CLASP2: variants seen among roughly 807,000 people sequenced by gnomAD.
The protein encoded by CLASP2 is CLIP-associating protein 2.
A neutral mutation model predicts 194.4 loss-of-function variants in CLASP2; 47 were observed. The ratio of observed to expected loss-of-function variants is 0.24; its 90% confidence interval spans 0.19 to 0.31. CLASP2 has a LOEUF of 0.31. CLASP2 is among the 10% of genes least tolerant of loss of function. CLASP2 has a pLI of 1.00. For missense variants in CLASP2, 1,445 were observed against 1,823.6 expected (o/e 0.79, Z 3.78); for synonymous variants, 619 against 633.5 (o/e 0.98, Z 0.34).
At chr3:33,549,998 T>C (rs2059746624) in intron 30 of CLASP2, among the ~76,000 whole-genome samples, 1 of 152,142 alleles carries the variant, frequency 6.6e-6, no homozygotes, top group Non-Finnish European at 1.5e-5. Flanking sequence ...CAGCCTACCA[T>C]GTTGAGATTA....
intron 1 of CLASP2, among the ~76,000 whole-genome samples, chr3:33,704,742 GAC>G (rs1394486818): frequency 6.6e-6 from 1 of 151,638 alleles, no homozygotes; most frequent in Non-Finnish European, 1.5e-5. Context: ...GACAGATGGA[GAC>G]GCAGTCTAAA....
intron 22 of CLASP2, among the ~76,000 whole-genome samples, chr3:33,583,243 C>A (rs1476912403): frequency 6.6e-6 from 1 of 152,088 alleles, no homozygotes; most frequent in Non-Finnish European, 1.5e-5. Flanking sequence ...GGAAAGCAAT[C>A]CTAAAGGATA....
chr3:33,593,047 T>C (rs2069205410), intron 20 of CLASP2, among the ~76,000 whole-genome samples: 1 of 152,210 alleles, frequency 6.6e-6, no homozygotes, highest in Admixed American at 6.5e-5. Context: ...AACTATTTCA[T>C]TTAGAAAGTG....
intron 7 of CLASP2, among the ~76,000 whole-genome samples, chr3:33,649,359 A>C (rs1303521710): frequency 6.6e-6 from 1 of 152,170 alleles, no homozygotes; most frequent in East Asian, 1.9e-4. Context: ...GAAATATATG[A>C]GCTGTGGGAT....
chr3:33,687,480 T>C (rs2090826870), intron 4 of CLASP2, among the ~76,000 whole-genome samples: 1 of 152,244 alleles, frequency 6.6e-6, no homozygotes, highest in African/African-American at 2.4e-5. Flanking sequence ...ATTGTGATTT[T>C]TTTAGACTCT....
chr3:33,638,097 T>C (rs1485005098), intron 8 of CLASP2, among the ~76,000 whole-genome samples: 1 of 152,170 alleles, frequency 6.6e-6, no homozygotes, highest in African/African-American at 2.4e-5. Context: ...GAAGTTTTTA[T>C]CAGTATGTTT....
intron 29 of CLASP2, 32 bp from the exon 30 acceptor site, chr3:33,551,427 A>C: frequency 6.2e-7 from 1 of 1,600,504 alleles, no homozygotes; most frequent in South Asian, 1.1e-5. Context: ...GAAAGGACAG[A>C]AAGATGGTTA....
intron 30 of CLASP2, among the ~76,000 whole-genome samples, chr3:33,547,383 G>A (rs1351759123): frequency 1.3e-5 from 2 of 152,156 alleles, no homozygotes; most frequent in Admixed American, 6.5e-5. Flanking sequence ...TGATTGTGAG[G>A]CTTCCTGAGC....
intron 6 of CLASP2, among the ~76,000 whole-genome samples, chr3:33,672,735 A>G (rs2087597637): frequency 6.6e-6 from 1 of 152,228 alleles, no homozygotes; most frequent in Admixed American, 6.5e-5. Flanking sequence ...ACCAATACAG[A>G]GAAGTGCTTA....
intron 1 of CLASP2, among the ~76,000 whole-genome samples, chr3:33,697,426 A>C (rs1017241751): frequency 6.6e-6 from 1 of 152,230 alleles, no homozygotes; most frequent in Admixed American, 6.5e-5. Flanking sequence ...CTGATAATAC[A>C]ATGGTATTTG....
chr3:33,592,647 A>T, intron 20 of CLASP2, 151 bp from the exon 21 acceptor site: 1 of 710,414 alleles, frequency 1.4e-6, no homozygotes, highest in East Asian at 2.7e-5. Flanking sequence ...AAAATTTTAT[A>T]AACAGTAATT....
rs531884364 is a variant in CLASP2 at position 33,533,552 on chromosome 3, T to G, written c.3787+1681A>C. On this transcript the variant is annotated intron_variant, in intron 34 of 38. Coordinates refer to ENST00000682230, the MANE Select transcript of CLASP2 (RefSeq NM_001365631.1). Reference sequence around the variant, plus strand: ...TCAAGGAAATGTACATTCATCACAATCAGAAAAATTTTTAAACATTCTGTG... The same window carrying G: ...TCAAGGAAATGTACATTCATCACAAGCAGAAAAATTTTTAAACATTCTGTG... 7.2e-5 allele frequency among the ~76,000 whole-genome samples: 11 copies of G among 152,310 alleles called. 1 individual carries two copies. The highest frequency in any genetic ancestry group is 2.2e-4 in the African/African-American group (9 of 41,564).
chr3:33,538,383 G>A (rs1009159999), intron 33 of CLASP2, among the ~76,000 whole-genome samples: 4 of 152,164 alleles, frequency 2.6e-5, no homozygotes, highest in African/African-American at 9.7e-5. Context: ...ATCTAAAATA[G>A]ACTCACTTTC....
chr3:33,516,263 T>C, intron 35 of CLASP2, 112 bp from the exon 36 acceptor site: 7 of 902,112 alleles, frequency 7.8e-6, no homozygotes, highest in Non-Finnish European at 1.1e-5. Context: ...TGTAGATAAC[T>C]GCATAAAGTA....
In CLASP2 at chr3:33,623,174, G is replaced by C. The variant is rs59161532; in HGVS notation, c.1036-894C>G. Among the ~76,000 whole-genome samples, 1,317 of 152,254 alleles carry C rather than the reference G, an allele frequency of 8.7e-3. 20 individuals carry two copies. The highest frequency in any genetic ancestry group is 0.03 in the African/African-American group (1,264 of 41,540). ...TTGTACATTTTTATGAAGTACATGT[G>C]ATATTTTGATAAAAGCACACAATGT... On this transcript the variant is annotated intron_variant, in intron 10 of 38. Transcript: ENST00000682230.
intron 37 of CLASP2, among the ~76,000 whole-genome samples, chr3:33,506,583 C>T (rs1299647070): frequency 6.6e-6 from 1 of 151,876 alleles, no homozygotes; most frequent in Non-Finnish European, 1.5e-5. Context: ...TCAATGGTTG[C>T]TTAAGTAGAT....
chr3:33,649,802 A>G (rs1326720844), intron 7 of CLASP2, among the ~76,000 whole-genome samples: 1 of 152,178 alleles, frequency 6.6e-6, no homozygotes, highest in Non-Finnish European at 1.5e-5. Context: ...TTCTTGAAAG[A>G]GAATAACAGA....
At chr3:33,634,974 T>G (rs2079844014) in intron 8 of CLASP2, among the ~76,000 whole-genome samples, 1 of 151,902 alleles carries the variant, frequency 6.6e-6, no homozygotes, top group African/African-American at 2.4e-5. Context: ...CTGAAATAAA[T>G]GGAGAGCCAG....
intron 12 of CLASP2, among the ~76,000 whole-genome samples, chr3:33,618,925 C>T (rs997788554): frequency 2.0e-5 from 3 of 152,014 alleles, no homozygotes; most frequent in African/African-American, 4.8e-5. Flanking sequence ...CTGAGAAATC[C>T]GTTAGGTGAT....
Sources: gnomAD v4.1 joint callset for allele counts (sites outside exome capture counted in the v4.1 genomes callset) on GRCh38, gnomAD v4.1.1 for gene constraint, MANE v1.5 for transcripts, NCBI Gene and HGNC (gene_info 2026-07-23, HGNC 2026-07-21) for gene names.